KIF24: variants seen among roughly 807,000 people sequenced by gnomAD.
KIF24 encodes the protein kinesin-like protein KIF24.
KIF24 carries 81 observed loss-of-function variants against 118.9 expected under a neutral mutation model. The observed-to-expected ratio is 0.68, with a 90% CI of 0.57 to 0.82. The LOEUF is 0.82. Ranked by LOEUF, KIF24 falls within the 40% of genes least tolerant of loss-of-function variation. The probability of loss-of-function intolerance (pLI) is 0.00; values close to 1 mark genes in which losing one functional copy is unlikely to be tolerated. For synonymous variants in KIF24, 599 were observed against 610.0 expected (o/e 0.98, Z 0.27); for missense variants, 1,560 against 1,661.6 (o/e 0.94, Z 1.06).
At chr9:34,324,179 C>G (rs1399247706) in intron 1 of KIF24, among the ~76,000 whole-genome samples, 1 of 152,194 alleles carries the variant, frequency 6.6e-6, no homozygotes, top group Non-Finnish European at 1.5e-5. Flanking sequence ...CGTAGTAACA[C>G]AGACAATCTC....
rs747544282 is a variant in KIF24, at chr9:34,256,058, G to A, written c.3549C>T (p.Gly1183=). Reference sequence around the variant, plus strand: ...AGGGCTTTCCTGGGAAACCCCAGGAGCCATCCAGCCCCGTCTCCTCTGCAT... The same window carrying A: ...AGGGCTTTCCTGGGAAACCCCAGGAACCATCCAGCCCCGTCTCCTCTGCAT... ...DADAEETGLD[G]SWGFPGKPFT... The change falls in exon 11 of 13, where the codon GGC becomes GGT. Residue 1183 remains glycine, a synonymous_variant. Transcript: ENST00000402558. The A allele has an allele frequency of 1.4e-5, 22 of 1,613,858 alleles. No individual in the cohort carries two copies. Among genetic ancestry groups the A allele is most frequent in the Non-Finnish European group, 1.7e-5 (20 of 1,179,876 alleles).
At chr9:34,287,660 T>C (rs188720341) in intron 5 of KIF24, among the ~76,000 whole-genome samples, 5 of 152,248 alleles carry the variant, frequency 3.3e-5, no homozygotes, top group East Asian at 1.9e-4. Context: ...TACAGAAGGA[T>C]TGGAGGGAAA....
intron 6 of KIF24, among the ~76,000 whole-genome samples, chr9:34,276,402 CAAA>C (rs11419785): frequency 5.0e-5 from 4 of 80,690 alleles, no homozygotes; most frequent in African/African-American, 4.5e-5. Context: ...AACTGCATCT[CAAA>C]AAAAAAAAAA....
chr9:34,330,209 C>G (rs956554008), upstream of KIF24, among the ~76,000 whole-genome samples: 1 of 152,124 alleles, frequency 6.6e-6, no homozygotes, highest in African/African-American at 2.4e-5. Context: ...CGAGACCATC[C>G]TGGCTAACAC....
At chr9:34,320,683 G>GA (rs992377037) in intron 1 of KIF24, among the ~76,000 whole-genome samples, 1 of 127,974 alleles carries the variant, frequency 7.8e-6, no homozygotes, top group Admixed American at 8.1e-5. Flanking sequence ...AAAAAAAAAG[G>GA]AAAAAAAGAA....
Position 34,311,030 on chromosome 9 carries a change from T to C in KIF24, c.317A>G (p.Asn106Ser), listed in dbSNP as rs1230965413. ...ATCATTGCTGGCATTTCTGTCTTTA[T>C]TGTCAGCAGGAGAATCAAAATTCAG... The part of the protein sequence containing the change: ...RQLNFDSPAD[N>S]KDRNASNDGF... Residue 106 changes from asparagine (N) to serine (S), a missense_variant, in exon 2 of 13, where the codon AAT becomes AGT. Asn to Ser is a conservative substitution (Grantham distance 46, BLOSUM62 1). This residue lies in a region of KIF24 where 964 missense variants were observed against 988.0 expected (regional missense o/e 0.98). Coordinates refer to ENST00000402558, the MANE Select transcript of KIF24 (RefSeq NM_194313.4). 3.1e-6 allele frequency: 5 copies of C among 1,613,790 alleles called. No homozygotes were observed. Among genetic ancestry groups the C allele is most frequent in the African/African-American group, 2.7e-5 (2 of 74,920 alleles).
At chr9:34,288,893 C>G (rs1047783853) in intron 5 of KIF24, among the ~76,000 whole-genome samples, 11 of 136,394 alleles carry the variant, frequency 8.1e-5, no homozygotes, top group Admixed American at 5.3e-4. Flanking sequence ...CACACACACA[C>G]AGCACAGTGG....
At chr9:34,306,161 A>G in intron 3 of KIF24, 91 bp downstream of exon 3, 1 of 805,038 alleles carries the variant, frequency 1.2e-6, no homozygotes, top group Non-Finnish European at 2.0e-6. Context: ...GTGTTCTAAC[A>G]GAAACTTGTA....
rs1172169418 is a variant in KIF24, at chr9:34,318,360, G to A, written c.-25-6989C>T. On this transcript the variant is annotated intron_variant, in intron 1 of 12. Transcript: ENST00000402558. The surrounding 1 kb of genome is among the most constrained non-coding windows in gnomAD (Gnocchi z 4.9). The stretch of plus-strand genomic sequence containing the variant: ...ACCCAGCCCAACCCAGCTTGACCTA[G>A]CCCTGACAGGTCCATCGTGGTGCAC... 50 of 481,642 alleles carry A rather than the reference G, an allele frequency of 1.0e-4. No homozygotes were observed. The highest frequency in any genetic ancestry group is 4.0e-6 in the Non-Finnish European group (1 of 249,030). The allele number at this position is 481,642 out of a possible 1,614,324, so 29.8% of individuals were successfully genotyped here. A position where few individuals can be genotyped will look rare whatever the true frequency, so the allele number is the denominator to read the frequency against.
chr9:34,280,013 G>A (rs1240091310), intron 6 of KIF24, among the ~76,000 whole-genome samples: 4 of 151,698 alleles, frequency 2.6e-5, no homozygotes, highest in African/African-American at 7.3e-5. Context: ...GGCCGGGCGC[G>A]GTGGCTCACG....
chr9:34,330,587 C>G (rs1243630428), upstream of KIF24, among the ~76,000 whole-genome samples: 2 of 152,242 alleles, frequency 1.3e-5, no homozygotes, highest in Non-Finnish European at 2.9e-5. Context: ...GCAGTAATGC[C>G]TCAGCGGGTT....
At position 34,298,110 on chromosome 9, in the gene KIF24, G is replaced by C. The variant is rs553742687; in HGVS notation, c.814-996C>G. On this transcript the variant is annotated intron_variant, in intron 3 of 12. Transcript: ENST00000402558. ...GGAATTTGAAAGGGAGTGATGGAAGGGGGGAAGGTATTCCAGGCACAGGGG... is the reference window on the plus strand; with the variant it reads ...GGAATTTGAAAGGGAGTGATGGAAGCGGGGAAGGTATTCCAGGCACAGGGG... Among the ~76,000 whole-genome samples, 7 of 152,244 alleles carry C rather than the reference G, an allele frequency of 4.6e-5. No individual in the cohort carries two copies. The South Asian group carries it at 1.0e-3, about 23-fold the overall frequency.
intron 1 of KIF24, among the ~76,000 whole-genome samples, chr9:34,312,997 T>C (rs1215639985): frequency 2.0e-5 from 3 of 152,182 alleles, no homozygotes; most frequent in Non-Finnish European, 4.4e-5. Flanking sequence ...CCACACTGGC[T>C]GGTAGATTTG....
At chr9:34,329,869 T>C (rs1196908616), upstream of KIF24, among the ~76,000 whole-genome samples, 1 of 152,036 alleles carries the variant, frequency 6.6e-6, no homozygotes, top group African/African-American at 2.4e-5. Context: ...GTCGTCCAAA[T>C]CCCAGAGGCG....
chr9:34,328,810 C>G (rs78888372), intron 1 of KIF24, among the ~76,000 whole-genome samples: 3,507 of 152,252 alleles, frequency 0.023, 147 homozygotes, highest in African/African-American at 0.08. Context: ...AAAAGAGGTG[C>G]CGGTCAGGCT....
intron 1 of KIF24, among the ~76,000 whole-genome samples, chr9:34,317,345 A>G (rs1837362270): frequency 6.6e-6 from 1 of 151,862 alleles, no homozygotes; most frequent in Non-Finnish European, 1.5e-5. Context: ...AGCCAAGATC[A>G]CGCCACTGCA....
intron 1 of KIF24, among the ~76,000 whole-genome samples, chr9:34,316,969 C>T (rs1442532075): frequency 6.6e-6 from 1 of 152,070 alleles, no homozygotes; most frequent in Non-Finnish European, 1.5e-5. Context: ...AATCCCAGCA[C>T]TTTGGGAGGC....
Position 34,263,252 on chromosome 9 carries a change from C to T in KIF24, c.1444-80G>A, listed in dbSNP as rs1016455695. ...GACCTGATGCCGCCTCCACAGGAAG[C>T]TTGTTTTTCTTCAATAAACCACACT... On this transcript the variant is annotated intron_variant, in intron 8 of 12. Transcript: ENST00000402558. The T allele has an allele frequency of 8.7e-5, 85 of 981,888 alleles. No individual in the cohort carries two copies. The Admixed American group carries it at 1.6e-3, about 19-fold the overall frequency. The allele number at this position is 981,888 out of a possible 1,614,324, so 60.8% of individuals were successfully genotyped here. A position where few individuals can be genotyped will look rare whatever the true frequency, so the allele number is the denominator to read the frequency against.
At chr9:34,333,248 C>T (rs940394870), upstream of KIF24, among the ~76,000 whole-genome samples, 7 of 152,128 alleles carry the variant, frequency 4.6e-5, no homozygotes, top group African/African-American at 7.2e-5. Flanking sequence ...TTAACATCTA[C>T]GGCCCTCTCC....
Sources: gnomAD v4.1 joint callset for allele counts (sites outside exome capture counted in the v4.1 genomes callset) on GRCh38, gnomAD v4.1.1 for gene constraint, gnomAD v4.1.1 regional missense constraint, Gnocchi (gnomAD v3.1) non-coding constraint, MANE v1.5 for transcripts, NCBI Gene and HGNC (gene_info 2026-07-23, HGNC 2026-07-21) for gene names.